The following TOM1 variants were observed in gnomAD, a reference collection of about 807,000 sequenced individuals.
TOM1 encodes the protein target of myb1 membrane trafficking protein.
In TOM1, 38 loss-of-function variants were observed where a neutral mutation model predicts 61.3. The ratio of observed to expected loss-of-function variants is 0.62; its 90% CI spans 0.48 to 0.81. The LOEUF (loss-of-function observed/expected upper bound fraction) is 0.81, where lower values mean the gene tolerates loss of function less well. TOM1 is among the 40% of genes least tolerant of loss of function. The probability of loss-of-function intolerance (pLI) is 0.00; values close to 1 mark genes in which losing one functional copy is unlikely to be tolerated. For synonymous variants in TOM1, 270 were observed against 268.8 expected, an observed-to-expected ratio of 1.00 and a Z score of -0.04; for missense variants, 591 against 659.6, an observed-to-expected ratio of 0.90 and a Z score of 1.14.
chr22:35,345,678 C>T (rs1483675128), intron 12 of TOM1, 47 bp from the exon 13 acceptor site: 5 of 1,599,886 alleles, frequency 3.1e-6, no homozygotes, highest in Non-Finnish European at 4.3e-6. Flanking sequence ...GCACGTCTTC[C>T]ACCTTGTCAC....
At position 35,308,593 on chromosome 22, in the gene TOM1, CT is replaced by C. The variant is rs554613621; in HGVS notation, c.52+8614del. 1.1e-4 allele frequency among the ~76,000 whole-genome samples: 16 copies of C among 152,006 alleles called. No homozygotes were observed. The South Asian group carries it at 3.1e-3, about 30-fold the overall frequency. On this transcript the variant is annotated intron_variant, in intron 1 of 14. Coordinates refer to ENST00000449058, the MANE Select transcript of TOM1 (RefSeq NM_005488.3). Reference sequence around the variant, plus strand: ...TACCACAGCCAGCCTAGTTCCTTTTCTCTAGAGATCCCTGACTAATACAAAG... The same window carrying C: ...TACCACAGCCAGCCTAGTTCCTTTTCCTAGAGATCCCTGACTAATACAAAG...
At chr22:35,313,368 G>A (rs1202422231) in intron 1 of TOM1, among the ~76,000 whole-genome samples, 1 of 151,994 alleles carries the variant, frequency 6.6e-6, no homozygotes, top group African/African-American at 2.4e-5. Context: ...AAAGAAAGGG[G>A]TGATACCATA....
At chr22:35,306,106 G>A (rs781457631) in intron 1 of TOM1, among the ~76,000 whole-genome samples, 7 of 152,090 alleles carry the variant, frequency 4.6e-5, no homozygotes, top group Middle Eastern at 3.4e-3. Context: ...TGAATTTCAC[G>A]TAATTTTCAC....
chr22:35,313,673 G>T (rs934715192), intron 1 of TOM1, among the ~76,000 whole-genome samples: 2 of 152,228 alleles, frequency 1.3e-5, no homozygotes, highest in African/African-American at 4.8e-5. Flanking sequence ...ATGAGGGGCA[G>T]GTGGGTCTTG....
intron 1 of TOM1, among the ~76,000 whole-genome samples, chr22:35,313,241 GGAGGCT>G (rs1367332102): frequency 3.3e-5 from 5 of 152,042 alleles, no homozygotes; most frequent in African/African-American, 9.7e-5. Context: ...CAGCTACTCG[GGAGGCT>G]GAGGCAGGAG....
chr22:35,311,119 G>C (rs918232979), intron 1 of TOM1: 1 of 152,524 alleles, frequency 6.6e-6, no homozygotes, highest in Non-Finnish European at 1.5e-5. Context: ...CGGGCGATCA[G>C]CTGAGCTGGT....
intron 11 of TOM1, among the ~76,000 whole-genome samples, chr22:35,335,008 T>C (rs1041409187): frequency 1.3e-5 from 2 of 152,218 alleles, no homozygotes; most frequent in African/African-American, 4.8e-5. Context: ...GCTGGGGCTC[T>C]GCCCTTCCCT....
intron 2 of TOM1, chr22:35,318,250 C>G: frequency 2.0e-6 from 1 of 505,518 alleles, no homozygotes; most frequent in Non-Finnish European, 3.6e-6. Flanking sequence ...CAGCATCTGC[C>G]TAGGATGAGG....
intron 1 of TOM1, among the ~76,000 whole-genome samples, chr22:35,313,399 C>T (rs1469538250): frequency 2.0e-5 from 3 of 151,998 alleles, no homozygotes; most frequent in African/African-American, 7.2e-5. Flanking sequence ...CATCTCTGAT[C>T]CTGCCCGTGG....
At chr22:35,324,736 G>T (rs1353380764) in intron 6 of TOM1, among the ~76,000 whole-genome samples, 1 of 152,196 alleles carries the variant, frequency 6.6e-6, no homozygotes, top group Admixed American at 6.5e-5. Flanking sequence ...TTTTAGTAGA[G>T]ATGGAGTTTC....
rs772469490 is a variant in TOM1, at chr22:35,347,163, G to C, written c.1433G>C (p.Arg478Pro). The C allele has an allele frequency of 6.2e-7, 1 of 1,613,078 alleles. No individual in the cohort carries two copies. Among genetic ancestry groups the C allele is most frequent in the Non-Finnish European group, 8.5e-7 (1 of 1,179,646 alleles). ...PPGPPSGPAP[R>P]KKTQEKDDDM... is the part of the protein sequence containing the mutation. ...GGTCCCCCATCTGGCCCAGCGCCCC[G>C]GAAGAAGACCCAGGAGAAAGATGAT... is the stretch of plus-strand genomic sequence containing the variant. Residue 478 changes from arginine to proline, a missense_variant, in exon 15 of 15, where the codon CGG becomes CCG. Transcript: ENST00000449058.
At chr22:35,321,511 G>A (rs1358747542) in intron 2 of TOM1, among the ~76,000 whole-genome samples, 3 of 151,918 alleles carry the variant, frequency 2.0e-5, no homozygotes, top group Admixed American at 6.6e-5. Flanking sequence ...CGATTCTCCC[G>A]CCTCAACCTC....
At chr22:35,316,329 C>T (rs1380517427) in intron 1 of TOM1, among the ~76,000 whole-genome samples, 2 of 152,254 alleles carry the variant, frequency 1.3e-5, no homozygotes, top group African/African-American at 4.8e-5. Flanking sequence ...TGGAACGTTA[C>T]CTGCAAGAAA....
chr22:35,345,106 T>C (rs1271546075), intron 12 of TOM1: 1 of 154,616 alleles, frequency 6.5e-6, no homozygotes, highest in Non-Finnish European at 1.4e-5. Context: ...GCCCATGTCT[T>C]TGTGGCCGAA....
chr22:35,318,120 A>G (rs1927467456), intron 2 of TOM1, 159 bp downstream of exon 2: 1 of 649,448 alleles, frequency 1.5e-6, no homozygotes, highest in Admixed American at 2.5e-5. Context: ...CTGAGCCCCT[A>G]GTACCTGAGC....
chr22:35,341,556 C>A (rs1426241333), intron 12 of TOM1, among the ~76,000 whole-genome samples: 2 of 152,152 alleles, frequency 1.3e-5, no homozygotes, highest in Non-Finnish European at 2.9e-5. Flanking sequence ...GCTGTAGGAG[C>A]TCCCCTCTCA....
intron 1 of TOM1, among the ~76,000 whole-genome samples, chr22:35,315,506 G>A (rs1375455123): frequency 1.3e-5 from 2 of 152,342 alleles, no homozygotes; most frequent in East Asian, 3.9e-4. Flanking sequence ...GGGCAGGGGT[G>A]TGGTACAAAG....
In TOM1 at chr22:35,330,474, A is replaced by C; in HGVS notation, c.893A>C (p.His298Pro). 6.2e-7 allele frequency: 1 copy of C among 1,611,078 alleles called. No homozygotes were observed. The highest frequency in any genetic ancestry group is 8.5e-7 in the Non-Finnish European group (1 of 1,178,566). ...AATCTCAACAATGTGTTCCTGCGCC[A>C]TGAACGGTAGCCCCAGCACCTCCCC... ...NDNLNNVFLRHERFERFRTGQ... is the reference protein window; with the variant it reads ...NDNLNNVFLRPERFERFRTGQ... The change falls in exon 8 of 15, where the codon CAT (histidine) becomes CCT (proline). Residue 298 changes from histidine to proline, a missense_variant. His to Pro is a moderately conservative substitution (Grantham distance 77). Transcript: ENST00000449058.
chr22:35,327,257 A>G lies in TOM1; in HGVS notation c.649-14A>G. On this transcript the variant is annotated splice_polypyrimidine_tract_variant and intron_variant, in intron 6 of 14. Coordinates refer to ENST00000449058, the MANE Select transcript of TOM1 (RefSeq NM_005488.3). ...ACCCTGGCTTCTCTCACCACGATCA[A>G]CTGTGTGTTTCAGATTGGGAAGCTG... The G allele has an allele frequency of 3.7e-6, 6 of 1,612,268 alleles. No individual in the cohort carries two copies. The highest frequency in any genetic ancestry group is 4.2e-6 in the Non-Finnish European group (5 of 1,178,542).
Sources: allele counts gnomAD v4.1 joint callset (sites outside exome capture counted in the v4.1 genomes callset), GRCh38; gene constraint gnomAD v4.1.1; transcripts MANE v1.5; gene names NCBI Gene and HGNC (gene_info 2026-07-23, HGNC 2026-07-21).